Variants in ATP7A observed in about 807,000 individuals in gnomAD.
The protein encoded by ATP7A is ATPase copper transporting alpha, also known as copper-transporting ATPase 1.
Under a neutral mutation model 83.5 loss-of-function variants are expected in ATP7A, and 7 were observed. The ratio of observed to expected loss-of-function variants is 0.08; its 90% CI spans 0.05 to 0.16. The LOEUF (loss-of-function observed/expected upper bound fraction) is 0.16. Ranked by LOEUF, ATP7A falls within the 10% of genes least tolerant of loss-of-function variation. The pLI is 1.00. For missense variants in ATP7A, 940 were observed against 1,120.8 expected (o/e 0.84, Z 2.30); for synonymous variants, 354 against 395.2 (o/e 0.90, Z 1.24).
intron 1 of ATP7A, among the ~76,000 whole-genome samples, chrX:77,928,652 A>G (rs1238254057): frequency 1.8e-5 from 2 of 112,046 alleles, no homozygotes; most frequent in Non-Finnish European, 3.8e-5. Flanking sequence ...TATATAGTCC[A>G]ACTGTGCTAT....
At chrX:78,002,698 G>A (rs1557233283) in intron 5 of ATP7A, among the ~76,000 whole-genome samples, 1 of 109,467 alleles carries the variant, frequency 9.1e-6, no homozygotes, top group Non-Finnish European at 1.9e-5. Context: ...CATAATCCAG[G>A]TAGAGAGCAG....
chrX:77,931,668 C>T (rs1230179695), intron 1 of ATP7A, among the ~76,000 whole-genome samples: 4 of 96,270 alleles, frequency 4.2e-5, no homozygotes, highest in African/African-American at 1.2e-4. Context: ...CCCTCCCGGA[C>T]GGGGTGGCTG....
chrX:78,049,460 C>T lies in ATP7A; in HGVS notation c.*2890C>T, dbSNP rs190232474. 1 of 112,488 alleles carries T rather than the reference C, an allele frequency of 8.9e-6. No individual in the cohort carries two copies. Among genetic ancestry groups the T allele is most frequent in the Non-Finnish European group, 1.9e-5 (1 of 53,174 alleles). The allele number at this position is 112,488 out of a possible 1,213,427, so 9.3% of individuals were successfully genotyped here. A position where few individuals can be genotyped will look rare whatever the true frequency, so the allele number is the denominator to read the frequency against. ...ACAAGGATACTTTAATATCCAGTGC[C>T]GGTTCAGACTCACCTATGTGGCACC... On this transcript the variant is annotated 3_prime_UTR_variant, in exon 23 of 23. Transcript: ENST00000341514.
At chrX:77,961,679 AT>A (rs2077475486) in intron 1 of ATP7A, among the ~76,000 whole-genome samples, 1 of 111,093 alleles carries the variant, frequency 9.0e-6, no homozygotes, top group African/African-American at 3.3e-5. Context: ...TTCTACTTCC[AT>A]TTTTATACCC....
Position 77,998,570 on chromosome X carries a change from C to G in ATP7A, c.1429C>G (p.Pro477Ala), listed in dbSNP as rs879981699. The G allele has an allele frequency of 8.3e-7, 1 of 1,209,843 alleles. No individual in the cohort carries two copies. Among genetic ancestry groups the G allele is most frequent in the Non-Finnish European group, 1.1e-6 (1 of 894,939 alleles). Residue 477 changes from proline to alanine, a missense_variant, in exon 5 of 23, where the codon CCA becomes GCA. By Grantham distance (27) the Pro-to-Ala change is conservative. Coordinates refer to ENST00000341514, the MANE Select transcript of ATP7A (RefSeq NM_000052.7). ...TGAATTTTATACTAAAGGGATGACA[C>G]CAGTTCAAGACAAGGAGGAAGGAAA... Reference protein sequence around the residue: ...TNEFYTKGMTPVQDKEEGKNS... With the variant: ...TNEFYTKGMTAVQDKEEGKNS...
chrX:78,034,838 G>A (rs782579108), intron 17 of ATP7A, among the ~76,000 whole-genome samples: 2 of 108,999 alleles, frequency 1.8e-5, no homozygotes, highest in Admixed American at 2.0e-4. Flanking sequence ...CTGCCTCCTG[G>A]GTTCAAGCAA....
chrX:77,931,343 T>C (rs1483557796), intron 1 of ATP7A, among the ~76,000 whole-genome samples: 1 of 111,410 alleles, frequency 9.0e-6, no homozygotes, highest in Non-Finnish European at 1.9e-5. Context: ...AGGTCACCGA[T>C]GAGCAGGATC....
intron 15 of ATP7A, among the ~76,000 whole-genome samples, chrX:78,030,892 T>C (rs1282763454): frequency 9.1e-6 from 1 of 109,793 alleles, no homozygotes; most frequent in Non-Finnish European, 1.9e-5. Flanking sequence ...GGTTTCACCA[T>C]GTTGGCCAGG....
chrX:77,932,116 C>G (rs1315682080), intron 1 of ATP7A, among the ~76,000 whole-genome samples: 1 of 110,422 alleles, frequency 9.1e-6, no homozygotes, highest in Admixed American at 9.4e-5. Context: ...GACGGGGTGG[C>G]TGCTGGGCGG....
chrX:77,937,891 A>C (rs782276678), intron 1 of ATP7A, among the ~76,000 whole-genome samples: 1 of 107,044 alleles, frequency 9.3e-6, no homozygotes, highest in Admixed American at 1.0e-4. Context: ...TCTCTCTCAC[A>C]CACACACACA....
At chrX:77,943,506 A>G (rs1557225867) in intron 1 of ATP7A, among the ~76,000 whole-genome samples, 1 of 112,302 alleles carries the variant, frequency 8.9e-6, no homozygotes, top group Non-Finnish European at 1.9e-5. Flanking sequence ...AATGCATCCA[A>G]TTCAGACAAA....
rs2077922335 is a variant in ATP7A, at chrX:78,023,586, T to TA, written c.2916+2508dup. On this transcript the variant is annotated intron_variant, in intron 14 of 22. Transcript: ENST00000341514. ...GAGTATTTTTTCATGTGTTTTTTTT[T>TA]ATCACTTGTATGTCTTCTTTTGAGA... 2.7e-5 allele frequency among the ~76,000 whole-genome samples: 3 copies of TA among 111,787 alleles called. No homozygotes were observed. In the South Asian group the frequency reaches 1.1e-3, roughly 41 times the overall value.
chrX:77,971,289 A>G (rs1569549369), intron 1 of ATP7A, among the ~76,000 whole-genome samples: 1 of 112,286 alleles, frequency 8.9e-6, no homozygotes, highest in Admixed American at 9.5e-5. Flanking sequence ...ATTCGTACTT[A>G]CAAATGTTAA....
chrX:78,009,360 A>G, intron 7 of ATP7A, 97 bp downstream of exon 7: 8 of 935,227 alleles, frequency 8.6e-6, no homozygotes, highest in Non-Finnish European at 1.2e-5. Context: ...CAATGAAAAA[A>G]AATCTAACTC....
At chrX:77,946,729 TAAA>T (rs782042145) in intron 1 of ATP7A, among the ~76,000 whole-genome samples, 4 of 55,084 alleles carry the variant, frequency 7.3e-5, no homozygotes, top group South Asian at 8.9e-4. Context: ...TGGCTATTAC[TAAA>T]AAAAAAAAAA....
chrX:78,031,388 AT>A lies in ATP7A; in HGVS notation c.3112-5del. 8.3e-7 allele frequency: 1 copy of A among 1,204,129 alleles called. No individual in the cohort carries two copies. Among genetic ancestry groups the A allele is most frequent in the Non-Finnish European group, 1.1e-6 (1 of 888,750 alleles). ...AGGATCATCAAGTCATTGTATCTTA[AT>A]TTTTTTACAGGTAAAGGTAGTGGTA... On this transcript the variant is annotated splice_polypyrimidine_tract_variant and intron_variant, in intron 15 of 22. Coordinates refer to ENST00000341514, the MANE Select transcript of ATP7A (RefSeq NM_000052.7).
In ATP7A at chrX:78,003,147, C is replaced by G. The variant is rs896151271; in HGVS notation, c.1618C>G (p.Pro540Ala). 3.3e-6 allele frequency: 4 copies of G among 1,206,286 alleles called. No homozygotes were observed. In the Admixed American group the frequency reaches 8.8e-5, roughly 26 times the overall value. ...GTATAATCCTGCTGTTATACAACCC[C>G]CAATGATAGCAGAGTTCATCCGAGA... ...VRYNPAVIQP[P>A]MIAEFIRELG... Residue 540 changes from proline (P) to alanine (A), a missense_variant, in exon 6 of 23, where the codon CCA becomes GCA. Around this residue, in one of 3 missense-constraint regions of ATP7A, gnomAD observed 350 missense variants for 432.8 expected, o/e 0.81. Transcript: ENST00000341514.
In ATP7A at chrX:78,014,874, A is replaced by G. The variant is rs185690492; in HGVS notation, c.2498+121A>G. The G allele has an allele frequency of 1.7e-3, 941 of 547,798 alleles. 6 individuals carry two copies. The highest frequency in any genetic ancestry group is 0.014 in the African/African-American group (592 of 42,814). The allele number at this position is 547,798 out of a possible 1,213,427, so 45.1% of individuals were successfully genotyped here. ...CATAATCTGTCTCCCAGATATAAAAATTATCCACATTTTGCCATACTTCAT... is the reference window on the plus strand; with the variant it reads ...CATAATCTGTCTCCCAGATATAAAAGTTATCCACATTTTGCCATACTTCAT... On this transcript the variant is annotated intron_variant, in intron 11 of 22. Coordinates refer to ENST00000341514, the MANE Select transcript of ATP7A (RefSeq NM_000052.7).
rs75849472 is a variant in ATP7A at position 78,045,722 on chromosome X, C to T, written c.4226+150C>T. On this transcript the variant is annotated intron_variant, in intron 22 of 22. Coordinates refer to ENST00000341514, the MANE Select transcript of ATP7A (RefSeq NM_000052.7). ...TAGCGGCCGGGCGTGGTGGCTCACA[C>T]CTGTAATCCCAGCACTTTGGGAGGC... The T allele has an allele frequency of 4.9e-5, 28 of 567,935 alleles. No individual in the cohort carries two copies. In the East Asian group the frequency reaches 1.0e-3, roughly 20 times the overall value. 46.8% of individuals were successfully genotyped at this position (567,935 alleles called of 1,213,427 possible). A position where few individuals can be genotyped will look rare whatever the true frequency, so the allele number is the denominator to read the frequency against.
Sources: allele counts gnomAD v4.1 joint callset (sites outside exome capture counted in the v4.1 genomes callset), GRCh38; gene constraint gnomAD v4.1.1; regional missense constraint gnomAD v4.1.1; transcripts MANE v1.5; gene names NCBI Gene and HGNC (gene_info 2026-07-23, HGNC 2026-07-21).